The following SLC25A42 variants were observed in gnomAD, a reference collection of about 807,000 sequenced individuals.
SLC25A42 encodes the protein mitochondrial coenzyme A transporter SLC25A42.
A neutral mutation model predicts 34.7 loss-of-function variants in SLC25A42; 19 were observed. That is an observed-to-expected ratio of 0.55 (90% CI 0.38 to 0.80). SLC25A42 has a LOEUF of 0.80. Ranked by LOEUF, SLC25A42 falls within the 30% of genes least tolerant of loss-of-function variation. The pLI, the probability that SLC25A42 is intolerant of heterozygous loss-of-function variation, is 0.00. For missense variants in SLC25A42, 364 were observed against 441.3 expected (o/e 0.82, Z 1.57); for synonymous variants, 205 against 191.2 (o/e 1.07, Z -0.59).
chr19:19,093,741 G>T (rs1233794522), intron 1 of SLC25A42, among the ~76,000 whole-genome samples: 1 of 152,150 alleles, frequency 6.6e-6, no homozygotes, highest in Admixed American at 6.5e-5. Context: ...GCAGTGGCGT[G>T]ATCTCGGCTC....
At chr19:19,105,060 C>A in intron 4 of SLC25A42, 122 bp downstream of exon 4, 1 of 1,190,716 alleles carries the variant, frequency 8.4e-7, no homozygotes, top group Admixed American at 1.8e-5. Flanking sequence ...CCTGTCTTCC[C>A]ATTCCCAGCT....
chr19:19,073,071 G>A (rs866792212), intron 1 of SLC25A42, among the ~76,000 whole-genome samples: 1 of 152,250 alleles, frequency 6.6e-6, no homozygotes, highest in Non-Finnish European at 1.5e-5. Flanking sequence ...AACACAGTGT[G>A]TGGTGGCAGG....
chr19:19,080,348 G>A (rs1269230944), intron 1 of SLC25A42, among the ~76,000 whole-genome samples: 12 of 152,156 alleles, frequency 7.9e-5, no homozygotes. Context: ...GATAAGGACA[G>A]CCCCACCCCC....
chr19:19,070,587 C>T (rs897928139), intron 1 of SLC25A42, among the ~76,000 whole-genome samples: 1 of 152,060 alleles, frequency 6.6e-6, no homozygotes, highest in African/African-American at 2.4e-5. Context: ...GAACCACTCC[C>T]GGCCGATCCC....
At chr19:19,100,429 C>T (rs11666627) in intron 2 of SLC25A42, among the ~76,000 whole-genome samples, 116,993 of 151,920 alleles carry the variant, frequency 0.77, 45,624 homozygotes, top group East Asian at 0.89. Flanking sequence ...CCTCTCTTTG[C>T]CATCTCCTTT....
At position 19,109,991 on chromosome 19, in the gene SLC25A42, A is replaced by G. The variant is rs955349912; in HGVS notation, c.650-578A>G. 6.6e-6 allele frequency among the ~76,000 whole-genome samples: 1 copy of G among 152,112 alleles called. No homozygotes were observed. Among genetic ancestry groups the G allele is most frequent in the South Asian group, 2.1e-4 (1 of 4,822 alleles). ...TACTAGACGTGGAGTAGAGCTGATT[A>G]GATGTGAGCAGTGGCTCTAGGAGTT... On this transcript the variant is annotated intron_variant, in intron 7 of 7. Transcript: ENST00000318596. This position sits in a 1 kb window ranked among gnomAD's most constrained non-coding sequence, Gnocchi z 4.1.
intron 7 of SLC25A42, 73 bp from the exon 8 acceptor site, chr19:19,110,496 A>G (rs1260395099): frequency 7.7e-7 from 1 of 1,305,718 alleles, no homozygotes; most frequent in Non-Finnish European, 9.9e-7. Flanking sequence ...AGGGGTGCAA[A>G]GGCGCGCGCA....
chr19:19,071,913 T>A (rs972821620), intron 1 of SLC25A42, among the ~76,000 whole-genome samples: 5 of 152,026 alleles, frequency 3.3e-5, no homozygotes, highest in African/African-American at 1.2e-4. Flanking sequence ...TGTTCTTTGA[T>A]GAGCAGCGGG....
chr19:19,067,754 A>G (rs983094069), intron 1 of SLC25A42, among the ~76,000 whole-genome samples: 1 of 152,124 alleles, frequency 6.6e-6, no homozygotes, highest in Admixed American at 6.6e-5. Context: ...TAGGAAAAGA[A>G]AGATGAGGGC....
At chr19:19,077,685 C>T (rs1258915486) in intron 1 of SLC25A42, among the ~76,000 whole-genome samples, 6 of 152,110 alleles carry the variant, frequency 3.9e-5, no homozygotes, top group Admixed American at 2.6e-4. Context: ...GCCAGGAGTT[C>T]GAAACCAGCC....
intron 7 of SLC25A42, among the ~76,000 whole-genome samples, chr19:19,108,765 G>A (rs1353566161): frequency 6.6e-6 from 1 of 152,180 alleles, no homozygotes; most frequent in Admixed American, 6.5e-5. Context: ...TTCACATTTT[G>A]CTACATTTGC....
chr19:19,082,026 T>C (rs1363320564), intron 1 of SLC25A42, among the ~76,000 whole-genome samples: 3 of 152,096 alleles, frequency 2.0e-5, no homozygotes, highest in Non-Finnish European at 4.4e-5. Flanking sequence ...GCAGCTCTAG[T>C]GTCTGGTTAT....
rs1477283335 is a variant in SLC25A42 at position 19,111,981 on chromosome 19, C to T, written c.*1105C>T. The T allele has an allele frequency of 2.0e-5, 3 of 152,188 alleles. No individual in the cohort carries two copies. The highest frequency in any genetic ancestry group is 2.9e-5 in the Non-Finnish European group (2 of 68,048). The allele number at this position is 152,188 out of a possible 1,614,324, so 9.4% of individuals were successfully genotyped here. A position where few individuals can be genotyped will look rare whatever the true frequency, so the allele number is the denominator to read the frequency against. The stretch of plus-strand genomic sequence containing the variant: ...GAAAATCTGAGGTACCCAGGGGAAC[C>T]CCCAGCTAACTGGTCTCTCAGAGGA... On this transcript the variant is annotated 3_prime_UTR_variant, in exon 8 of 8. Transcript: ENST00000318596.
At chr19:19,093,738 C>T (rs1305968293) in intron 1 of SLC25A42, among the ~76,000 whole-genome samples, 1 of 152,130 alleles carries the variant, frequency 6.6e-6, no homozygotes, top group African/African-American at 2.4e-5. Context: ...AATGCAGTGG[C>T]GTGATCTCGG....
intron 1 of SLC25A42, among the ~76,000 whole-genome samples, chr19:19,067,837 C>T (rs1259940956): frequency 6.6e-6 from 1 of 151,978 alleles, no homozygotes; most frequent in East Asian, 1.9e-4. Context: ...TCCAATTGTC[C>T]AATTTCTCAC....
chr19:19,081,405 TAAATAA>T lies in SLC25A42; in HGVS notation c.-34-14684_-34-14679del, dbSNP rs1202694047. ...CAGTGCCAGTTGGCCCGTCTGTTTT[TAAATAA>T]ACAGAAGCATGTTTCATGTTTTGTC... On this transcript the variant is annotated intron_variant, in intron 1 of 7. Transcript: ENST00000318596. This position sits in a 1 kb window ranked among gnomAD's most constrained non-coding sequence, Gnocchi z 4.5. 2.0e-5 allele frequency among the ~76,000 whole-genome samples: 3 copies of T among 152,178 alleles called. No individual in the cohort carries two copies. Among genetic ancestry groups the T allele is most frequent in the Non-Finnish European group, 4.4e-5 (3 of 68,028 alleles).
intron 1 of SLC25A42, among the ~76,000 whole-genome samples, chr19:19,069,851 GCTC>G (rs2059620178): frequency 6.7e-6 from 1 of 148,568 alleles, no homozygotes; most frequent in African/African-American, 2.5e-5. Context: ...TTTGAGACAA[GCTC>G]TTGCTCTGTT....
chr19:19,093,853 T>G (rs1174856083), intron 1 of SLC25A42, among the ~76,000 whole-genome samples: 1 of 152,182 alleles, frequency 6.6e-6, no homozygotes, highest in Non-Finnish European at 1.5e-5. Context: ...AATTTTTGTA[T>G]TTTTAGTAGA....
intron 1 of SLC25A42, among the ~76,000 whole-genome samples, chr19:19,080,736 A>G (rs1282014512): frequency 6.6e-6 from 1 of 152,032 alleles, no homozygotes; most frequent in Admixed American, 6.6e-5. Flanking sequence ...CCTGGGCAAC[A>G]TGGTGAAACC....
Sources: gnomAD v4.1 joint callset for allele counts (sites outside exome capture counted in the v4.1 genomes callset) on GRCh38, gnomAD v4.1.1 for gene constraint, Gnocchi (gnomAD v3.1) non-coding constraint, MANE v1.5 for transcripts, NCBI Gene and HGNC (gene_info 2026-07-23, HGNC 2026-07-21) for gene names.